MOV10L1: variants seen among roughly 807,000 people sequenced by gnomAD.
The protein encoded by MOV10L1 is Mov10 like RNA helicase 1, also known as RNA helicase Mov10l1.
In MOV10L1, 110 loss-of-function variants were observed where a neutral mutation model predicts 143.8. The observed-to-expected ratio is 0.76, with a 90% CI of 0.66 to 0.90. The LOEUF is 0.90. Among genes scored for constraint, MOV10L1 ranks in the 40% least tolerant of loss-of-function variants. MOV10L1 has a pLI of 0.00. For missense variants in MOV10L1, 1,406 were observed against 1,526.8 expected (o/e 0.92, Z 1.32); for synonymous variants, 593 against 581.1 (o/e 1.02, Z -0.29).
chr22:50,146,954 G>A, intron 19 of MOV10L1: 2 of 1,037,026 alleles, frequency 1.9e-6, no homozygotes, highest in Non-Finnish European at 2.9e-6. Flanking sequence ...ACTAGCCACT[G>A]TGCGGTGCCC....
At position 50,108,735 on chromosome 22, in the gene MOV10L1, C is replaced by A; in HGVS notation, c.634C>A (p.Pro212Thr). The change falls in exon 5 of 27, where the codon CCA becomes ACA. Residue 212 changes from proline to threonine, a missense_variant. Physicochemically the swap from Pro to Thr is conservative, Grantham distance 38. Around this residue, in one of 3 missense-constraint regions of MOV10L1, gnomAD observed 1,233 missense variants for 1,351.4 expected, o/e 0.91. Coordinates refer to ENST00000262794, the MANE Select transcript of MOV10L1 (RefSeq NM_018995.3). ...CTTTACCTTGGACTCCTTGAAACTG[C>A]CAGATGGGTACACACCCCGGAGAGG... is the stretch of plus-strand genomic sequence containing the variant. ...IFFTLDSLKL[P>T]DGYTPRRGDV... 6.2e-7 allele frequency: 1 copy of A among 1,614,188 alleles called. No homozygotes were observed. Among genetic ancestry groups the A allele is most frequent in the African/African-American group, 1.3e-5 (1 of 75,036 alleles).
chr22:50,095,833 C>G (rs552461678), intron 2 of MOV10L1: 1 of 152,108 alleles, frequency 6.6e-6, no homozygotes, highest in East Asian at 1.9e-4. Context: ...TTCATCTCTA[C>G]TCACAATCTT....
intron 5 of MOV10L1, among the ~76,000 whole-genome samples, chr22:50,110,882 G>A (rs1288381981): frequency 1.1e-4 from 16 of 152,064 alleles, no homozygotes. Context: ...AGTGAGCAGA[G>A]ATCACGCCAC....
chr22:50,160,655 G>C, intron 24 of MOV10L1, 33 bp from the exon 25 acceptor site: 1 of 1,591,740 alleles, frequency 6.3e-7, no homozygotes, highest in Non-Finnish European at 8.6e-7. Context: ...AAAACTTCAA[G>C]TGCCATTTTT....
intron 3 of MOV10L1, among the ~76,000 whole-genome samples, chr22:50,102,142 G>C (rs962424603): frequency 2.6e-5 from 4 of 152,202 alleles, no homozygotes; most frequent in Non-Finnish European, 5.9e-5. Context: ...GGCAAAGTCA[G>C]GTCCTCTTGA....
At chr22:50,113,912 CTT>C (rs67071955) in intron 6 of MOV10L1, 124 bp downstream of exon 6, 16,329 of 256,788 alleles carry the variant, frequency 0.064, 7 homozygotes, top group South Asian at 0.079. Flanking sequence ...AAGATCTTTT[CTT>C]TTTTTTTTTT....
At chr22:50,148,927 G>A (rs1167210816) in intron 19 of MOV10L1, among the ~76,000 whole-genome samples, 2 of 152,318 alleles carry the variant, frequency 1.3e-5, no homozygotes, top group East Asian at 3.9e-4. Context: ...GCCTCCCAAA[G>A]TGCTGGCATT....
At chr22:50,132,609 C>T (rs2062708609) in intron 13 of MOV10L1, among the ~76,000 whole-genome samples, 1 of 152,064 alleles carries the variant, frequency 6.6e-6, no homozygotes, top group Non-Finnish European at 1.5e-5. Flanking sequence ...TTGCTTGTTT[C>T]TAGTATTTAT....
intron 19 of MOV10L1, 131 bp from the exon 20 acceptor site, chr22:50,149,484 C>G (rs1294810469): frequency 7.7e-6 from 6 of 774,390 alleles, no homozygotes; most frequent in Non-Finnish European, 1.0e-5. Context: ...CCCAGACCCC[C>G]AGCTCCTGCA....
chr22:50,150,960 G>A lies in MOV10L1; in HGVS notation c.2892+61G>A, dbSNP rs2063284977. ...CTAAGCAGACACAGGCTCCAGGGCA[G>A]TCGAGCAGCTCACTCTTCTGTCCAC... On this transcript the variant is annotated intron_variant, in intron 21 of 26. Transcript: ENST00000262794. 5.6e-6 allele frequency: 9 copies of A among 1,596,500 alleles called. No homozygotes were observed. In the Admixed American group the frequency reaches 8.5e-5, roughly 15 times the overall value.
intron 3 of MOV10L1, among the ~76,000 whole-genome samples, chr22:50,100,659 C>A (rs752744827): frequency 5.3e-5 from 8 of 152,136 alleles, no homozygotes; most frequent in Non-Finnish European, 1.2e-4. Flanking sequence ...GTGCCCACCA[C>A]CACAGCAGGC....
At chr22:50,131,398 A>G (rs2062675252) in intron 13 of MOV10L1, among the ~76,000 whole-genome samples, 2 of 152,064 alleles carry the variant, frequency 1.3e-5, no homozygotes, top group Non-Finnish European at 2.9e-5. Flanking sequence ...TACAGCTTGT[A>G]TTTTCATTGT....
intron 1 of MOV10L1, 128 bp from the exon 2 acceptor site, chr22:50,091,873 C>G: frequency 2.5e-6 from 2 of 808,058 alleles, no homozygotes; most frequent in Non-Finnish European, 3.9e-6. Flanking sequence ...CAAGTCAGCC[C>G]GTTCGGAGTC....
Position 50,090,032 on chromosome 22 carries a change from C to G in MOV10L1, c.-57C>G. 1.7e-6 allele frequency: 2 copies of G among 1,164,614 alleles called. No individual in the cohort carries two copies. The highest frequency in any genetic ancestry group is 1.1e-6 in the Non-Finnish European group (1 of 942,500). 72.1% of individuals were successfully genotyped at this position (1,164,614 alleles called of 1,614,324 possible). A position where few individuals can be genotyped will look rare whatever the true frequency, so the allele number is the denominator to read the frequency against. On this transcript the variant is annotated 5_prime_UTR_variant, in exon 1 of 27. Transcript: ENST00000262794. ...TTGGTGGCGGGCGGCGGGAGCGGCG[C>G]GGGCGCGTGCGGGCGGCGGCAGCGG... is the stretch of plus-strand genomic sequence containing the variant.
At chr22:50,108,376 G>A in intron 4 of MOV10L1, 128 bp downstream of exon 4, 1 of 902,506 alleles carries the variant, frequency 1.1e-6, no homozygotes, top group Admixed American at 2.0e-5. Flanking sequence ...CATGGCCAAA[G>A]AGGAGTGTGT....
intron 14 of MOV10L1, 102 bp downstream of exon 14, chr22:50,134,167 A>T: frequency 1.1e-6 from 1 of 888,966 alleles, no homozygotes; most frequent in Non-Finnish European, 1.7e-6. Context: ...ATAATATTAG[A>T]AGTAAAACTT....
Position 50,150,736 on chromosome 22 carries a change from TC to T in MOV10L1, c.2730del (p.Ile910MetfsTer24), listed in dbSNP as rs2063276541. On this transcript the variant is annotated frameshift_variant and splice_region_variant, in exon 21 of 27. Transcript: ENST00000262794. LOFTEE classifies it high-confidence loss of function. The stretch of plus-strand genomic sequence containing the variant: ...CTGAGACGGGCCCTCTGTGTGCAGA[TC>T]GTGCTGGCAGGAGACCCCATGCAGC... ...LGLMSDISGQ[I>X]VLAGDPMQLG... is the part of the protein sequence containing the mutation. The T allele has an allele frequency of 6.2e-7, 1 of 1,613,708 alleles. No individual in the cohort carries two copies.
Position 50,161,492 on chromosome 22 carries a change from C to T in MOV10L1, c.*43C>T, listed in dbSNP as rs1319470846. The stretch of plus-strand genomic sequence containing the variant: ...CAGGGAGGCCATGTGCTCAGCCTGG[C>T]CACGTTGCCGTTACAGTCTGCTCCG... On this transcript the variant is annotated 3_prime_UTR_variant, in exon 27 of 27. Transcript: ENST00000262794. 2 of 1,537,544 alleles carry T rather than the reference C, an allele frequency of 1.3e-6. No homozygotes were observed. The highest frequency in any genetic ancestry group is 1.4e-5 in the African/African-American group (1 of 72,846).
At chr22:50,150,524 C>T (rs1007855952) in intron 20 of MOV10L1, among the ~76,000 whole-genome samples, 3 of 152,042 alleles carry the variant, frequency 2.0e-5, no homozygotes, top group African/African-American at 7.2e-5. Flanking sequence ...GGCAGGACTT[C>T]GGGGAGGCAG....
Sources: allele counts gnomAD v4.1 joint callset (sites outside exome capture counted in the v4.1 genomes callset), GRCh38; gene constraint gnomAD v4.1.1; regional missense constraint gnomAD v4.1.1; transcripts MANE v1.5; gene names NCBI Gene and HGNC (gene_info 2026-07-23, HGNC 2026-07-21).